The following CLTCL1 variants were observed in gnomAD, a reference collection of about 807,000 sequenced individuals.
The protein encoded by CLTCL1 is clathrin heavy chain like 1.
A neutral mutation model predicts 190.0 loss-of-function variants in CLTCL1; 159 were observed. The observed-to-expected ratio is 0.84, with a 90% CI of 0.74 to 0.95. The LOEUF (loss-of-function observed/expected upper bound fraction) is 0.95. CLTCL1 is among the 40% of genes least tolerant of loss of function. The pLI is 0.00. For synonymous variants in CLTCL1, 752 were observed against 769.6 expected, an observed-to-expected ratio of 0.98 and a Z score of 0.38; for missense variants, 1,878 against 2,033.4, an observed-to-expected ratio of 0.92 and a Z score of 1.47.
Position 19,232,519 on chromosome 22 carries a change from C to G in CLTCL1, c.1601G>C (p.Arg534Pro). Reference sequence around the variant, plus strand: ...CGGCTCCTCGTCCTGCACTAGCATTCGAGAAAACTGCAGGCCCTGTTCCGG... The same window carrying G: ...CGGCTCCTCGTCCTGCACTAGCATTGGAGAAAACTGCAGGCCCTGTTCCGG... ...ISPEQGLQFS[R>P]MLVQDEEPLA... The change falls in exon 10 of 33, where the codon CGA (arginine) becomes CCA (proline). Residue 534 changes from arginine to proline, a missense_variant. Transcript: ENST00000427926. The G allele has an allele frequency of 6.2e-7, 1 of 1,613,988 alleles. No homozygotes were observed. Among genetic ancestry groups the G allele is most frequent in the South Asian group, 1.1e-5 (1 of 91,080 alleles).
At chr22:19,181,058 G>A (rs1294271760) in intron 30 of CLTCL1, 2 of 542,938 alleles carry the variant, frequency 3.7e-6, no homozygotes, top group Non-Finnish European at 6.6e-6. Flanking sequence ...CTTCCCAGTG[G>A]GCACTGGGGC....
intron 7 of CLTCL1, 89 bp downstream of exon 7, chr22:19,234,420 T>C (rs1042471135): frequency 8.6e-7 from 1 of 1,162,880 alleles, no homozygotes; most frequent in Non-Finnish European, 1.2e-6. Flanking sequence ...GACTGCAATA[T>C]CACTAGTGAA....
chr22:19,250,051 C>T lies in CLTCL1; in HGVS notation c.519+3908G>A, dbSNP rs189315690. 11 of 224,562 alleles carry T rather than the reference C, an allele frequency of 4.9e-5. No individual in the cohort carries two copies. The Admixed American group carries it at 5.2e-4, about 11-fold the overall frequency. The allele number at this position is 224,562 out of a possible 1,614,324, so 13.9% of individuals were successfully genotyped here. A position where few individuals can be genotyped will look rare whatever the true frequency, so the allele number is the denominator to read the frequency against. On this transcript the variant is annotated intron_variant, in intron 3 of 32. Coordinates refer to ENST00000427926, the MANE Select transcript of CLTCL1 (RefSeq NM_007098.4). ...GGCAGATCACTTGAGGTCAGGAGTT[C>T]AAGACCAGCCTGGCCAACATGATGA...
intron 26 of CLTCL1, among the ~76,000 whole-genome samples, chr22:19,195,744 A>G (rs2084677161): frequency 1.3e-5 from 2 of 152,146 alleles, no homozygotes; most frequent in Admixed American, 1.3e-4. Flanking sequence ...ACACCACCCA[A>G]CAGTGTGGCT....
At chr22:19,232,966 G>A (rs782318282) in intron 9 of CLTCL1, 200 bp downstream of exon 9, 48 of 621,636 alleles carry the variant, frequency 7.7e-5, no homozygotes, top group Non-Finnish European at 9.7e-5. Context: ...AAACGAAGAT[G>A]GAAGGACTGG....
rs374253422 is a variant in CLTCL1 at position 19,225,561 on chromosome 22, T to C, written c.2020A>G (p.Asn674Asp). The change falls in exon 13 of 33, where the codon AAC (asparagine) becomes GAC (aspartate). Residue 674 changes from asparagine to aspartate, a missense_variant. Physicochemically the swap from Asn to Asp is conservative, Grantham distance 23. Coordinates refer to ENST00000427926, the MANE Select transcript of CLTCL1 (RefSeq NM_007098.4). Reference sequence around the variant, plus strand: ...CACAGCTGAAGGTTCTGTCTGATGTTAGCAGACAGCATGGCATGCAGACAC... The same window carrying C: ...CACAGCTGAAGGTTCTGTCTGATGTCAGCAGACAGCATGGCATGCAGACAC... ...VECLHAMLSA[N>D]IRQNLQLCVQ... is the part of the protein sequence containing the mutation. 6.9e-6 allele frequency: 11 copies of C among 1,587,412 alleles called. No homozygotes were observed. The African/African-American group carries it at 9.4e-5, about 14-fold the overall frequency.
intron 24 of CLTCL1, 75 bp from the exon 25 acceptor site, chr22:19,196,731 G>A (rs1313096404): frequency 1.2e-5 from 18 of 1,508,040 alleles, no homozygotes; most frequent in Non-Finnish European, 1.5e-5. Flanking sequence ...CCATGCCCAC[G>A]CCGCAGGGAC....
intron 22 of CLTCL1, among the ~76,000 whole-genome samples, chr22:19,205,091 T>A (rs74276648): frequency 2.0e-5 from 3 of 149,612 alleles, no homozygotes; most frequent in Non-Finnish European, 4.5e-5. Flanking sequence ...GATCACTGAT[T>A]AAAAAAAAAA....
intron 23 of CLTCL1, among the ~76,000 whole-genome samples, chr22:19,200,486 C>A (rs1365244491): frequency 6.6e-6 from 1 of 152,196 alleles, no homozygotes; most frequent in Non-Finnish European, 1.5e-5. Flanking sequence ...TTGGCAACAT[C>A]TTTTCCTGCA....
chr22:19,280,838 AAGAC>A (rs1230806992), intron 1 of CLTCL1, among the ~76,000 whole-genome samples: 2 of 151,118 alleles, frequency 1.3e-5, no homozygotes, highest in Admixed American at 6.6e-5. Flanking sequence ...AAAAAAAAAA[AAGAC>A]AGTCACACAA....
At chr22:19,185,719 C>T (rs921900238) in intron 29 of CLTCL1, among the ~76,000 whole-genome samples, 4 of 152,232 alleles carry the variant, frequency 2.6e-5, no homozygotes, top group Non-Finnish European at 5.9e-5. Context: ...GGCCAGTAGG[C>T]CTCTGGCAGC....
chr22:19,264,937 C>CA (rs2087071509), intron 2 of CLTCL1, among the ~76,000 whole-genome samples: 1 of 152,090 alleles, frequency 6.6e-6, no homozygotes, highest in Non-Finnish European at 1.5e-5. Flanking sequence ...TATAGGCATA[C>CA]ACCAACATGC....
At chr22:19,286,250 C>T (rs1356770029) in intron 1 of CLTCL1, among the ~76,000 whole-genome samples, 1 of 152,164 alleles carries the variant, frequency 6.6e-6, no homozygotes, top group Non-Finnish European at 1.5e-5. Flanking sequence ...ACCCACAATG[C>T]CACAGCGGTA....
At chr22:19,188,398 T>C (rs1398017655) in intron 27 of CLTCL1, among the ~76,000 whole-genome samples, 2 of 152,126 alleles carry the variant, frequency 1.3e-5, no homozygotes, top group African/African-American at 2.4e-5. Context: ...GTTTACACTA[T>C]GTTGTAGCCT....
chr22:19,235,739 T>C lies in CLTCL1; in HGVS notation c.926A>G (p.His309Arg), dbSNP rs782188251. ...ACCAATAATTCCAGAGGTTGGTTTG[T>C]GTGGAGCAGTGACAAATATTGTGTC... is the stretch of plus-strand genomic sequence containing the variant. ...SADTIFVTAP[H>R]KPTSGIIGVN... The change falls in exon 6 of 33, where the codon CAC becomes CGC. Residue 309 changes from histidine (H) to arginine (R), a missense_variant. Transcript: ENST00000427926. 1 of 1,614,008 alleles carries C rather than the reference T, an allele frequency of 6.2e-7. No individual in the cohort carries two copies. Among genetic ancestry groups the C allele is most frequent in the Admixed American group, 1.7e-5 (1 of 60,012 alleles).
At chr22:19,265,230 C>A (rs1043325351) in intron 2 of CLTCL1, among the ~76,000 whole-genome samples, 11 of 152,112 alleles carry the variant, frequency 7.2e-5, no homozygotes, top group African/African-American at 2.4e-4. Context: ...TGCTTTTGGA[C>A]ATAATTTAGG....
At chr22:19,278,111 G>A (rs782819559) in intron 1 of CLTCL1, among the ~76,000 whole-genome samples, 3 of 152,148 alleles carry the variant, frequency 2.0e-5, no homozygotes, top group Non-Finnish European at 2.9e-5. Flanking sequence ...CCAGCACACC[G>A]CTCTTCAGGG....
intron 19 of CLTCL1, 90 bp downstream of exon 19, chr22:19,216,021 T>G (rs1601545119): frequency 1.5e-6 from 2 of 1,302,300 alleles, no homozygotes; most frequent in East Asian, 2.5e-5. Context: ...GCTGGATGGG[T>G]GAAGCGGTAC....
At chr22:19,275,588 G>T (rs1314216895) in intron 2 of CLTCL1, 35 bp downstream of exon 2, 1 of 1,549,068 alleles carries the variant, frequency 6.5e-7, no homozygotes, top group Non-Finnish European at 8.8e-7. Flanking sequence ...TTAAAATGAG[G>T]TAAGATTCCT....
Sources: allele counts gnomAD v4.1 joint callset (sites outside exome capture counted in the v4.1 genomes callset), GRCh38; gene constraint gnomAD v4.1.1; transcripts MANE v1.5; gene names NCBI Gene and HGNC (gene_info 2026-07-23, HGNC 2026-07-21).